Variants in FDXACB1 observed in about 807,000 individuals in gnomAD.
The protein encoded by FDXACB1 is ferredoxin-fold anticodon binding domain containing 1, also known as ferredoxin-fold anticodon-binding domain-containing protein 1.
In FDXACB1, 41 loss-of-function variants were observed where a neutral mutation model predicts 51.7. That is an observed-to-expected ratio of 0.79 (90% CI 0.62 to 1.03). FDXACB1 has a LOEUF of 1.03. Ranked by LOEUF, FDXACB1 falls within the 50% of genes least tolerant of loss-of-function variation. FDXACB1 has a pLI of 0.00. For missense variants in FDXACB1, 697 were observed against 746.4 expected, an observed-to-expected ratio of 0.93 and a Z score of 0.77; for synonymous variants, 273 against 278.6, an observed-to-expected ratio of 0.98 and a Z score of 0.20.
rs1407574541 is a variant in FDXACB1 at position 111,874,497 on chromosome 11, T to C, written c.*425A>G. 1 of 166,720 alleles carries C rather than the reference T, an allele frequency of 6.0e-6. No homozygotes were observed. Among genetic ancestry groups the C allele is most frequent in the Non-Finnish European group, 1.3e-5 (1 of 76,762 alleles). 10.3% of individuals were successfully genotyped at this position (166,720 alleles called of 1,614,324 possible). Reference sequence around the variant, plus strand: ...CGGGCGCGGTGGCTCACATCTATAATCCCAGCACTTTGGGAGGCCGACGCA... The same window carrying C: ...CGGGCGCGGTGGCTCACATCTATAACCCCAGCACTTTGGGAGGCCGACGCA... On this transcript the variant is annotated 3_prime_UTR_variant, in exon 5 of 5. Coordinates refer to ENST00000260257, the MANE Select transcript of FDXACB1 (RefSeq NM_138378.3).
rs2137350061 is a variant in FDXACB1 at position 111,878,963 on chromosome 11, C to G, written c.170G>C (p.Arg57Pro). The stretch of plus-strand genomic sequence containing the variant: ...TCGCAGAGGGGCGGGCTCGCTACCT[C>G]GCTCGCGCAGGCACTGCAGATTCTC... ...AWENLQCLRE[R>P]GIDVRFGVDC... The change falls in exon 1 of 5, where the codon CGA becomes CCA. Residue 57 changes from arginine (R) to proline (P), a missense_variant and splice_region_variant. Arg to Pro is a moderately radical substitution (Grantham distance 103). Coordinates refer to ENST00000260257, the MANE Select transcript of FDXACB1 (RefSeq NM_138378.3). 6.3e-7 allele frequency: 1 copy of G among 1,589,492 alleles called. No individual in the cohort carries two copies. The highest frequency in any genetic ancestry group is 8.5e-7 in the Non-Finnish European group (1 of 1,170,594).
In FDXACB1 at chr11:111,874,954, T is replaced by C. The variant is rs1245878693; in HGVS notation, c.1843A>G (p.Ile615Val). Reference protein sequence around the residue: ...ASMQSQFRKEIQQHLYVIPR With the variant: ...ASMQSQFRKEVQQHLYVIPR Reference sequence around the variant, plus strand: ...GGTATAACATATAGGTGTTGTTGAATCTCCTTCCTAAACTGGGACTGCATT... The same window carrying C: ...GGTATAACATATAGGTGTTGTTGAACCTCCTTCCTAAACTGGGACTGCATT... Residue 615 changes from isoleucine to valine, a missense_variant, in exon 5 of 5, where the codon ATT becomes GTT. Physicochemically the swap from Ile to Val is conservative, Grantham distance 29. Coordinates refer to ENST00000260257, the MANE Select transcript of FDXACB1 (RefSeq NM_138378.3). 29 of 1,613,838 alleles carry C rather than the reference T, an allele frequency of 1.8e-5. No homozygotes were observed. In the Admixed American group the frequency reaches 4.7e-4, roughly 26 times the overall value.
In FDXACB1 at chr11:111,878,989, C is replaced by T. The variant is rs1419863509; in HGVS notation, c.144G>A (p.Trp48Ter). ...GCTCGCGCAGGCACTGCAGATTCTCCCAGGCCAGTGGATCCCGAGCCAACT... is the reference window on the plus strand; with the variant it reads ...GCTCGCGCAGGCACTGCAGATTCTCTCAGGCCAGTGGATCCCGAGCCAACT... ...PAELARDPLAWENLQCLRERG... is the reference protein window; with the variant it reads ...PAELARDPLA The change falls in exon 1 of 5, where the codon TGG becomes TGA. Residue 48 changes from tryptophan (W) to a stop codon, truncating the protein, a stop_gained. Transcript: ENST00000260257. LOFTEE classifies it high-confidence loss of function. 2 of 1,609,694 alleles carry T rather than the reference C, an allele frequency of 1.2e-6. No homozygotes were observed. The highest frequency in any genetic ancestry group is 1.3e-5 in the African/African-American group (1 of 74,856).
rs781979749 is a variant in FDXACB1, at chr11:111,875,654, G to A, written c.1143C>T (p.His381=). 8 of 1,613,384 alleles carry A rather than the reference G, an allele frequency of 5.0e-6. No homozygotes were observed. In the Admixed American group the frequency reaches 1.2e-4, roughly 24 times the overall value. ...ILSGPVFQKC[H]ILPFTMPAFH... is the part of the protein sequence containing the mutation. The stretch of plus-strand genomic sequence containing the variant: ...ATGCTGGCATTGTGAAAGGCAAAAT[G>A]TGGCACTTCTGAAAGACAGGTCCAC... Residue 381 remains histidine, a synonymous_variant, in exon 5 of 5, where the codon CAC becomes CAT. Coordinates refer to ENST00000260257, the MANE Select transcript of FDXACB1 (RefSeq NM_138378.3).
chr11:111,875,056 T>G lies in FDXACB1; in HGVS notation c.1741A>C (p.Thr581Pro), dbSNP rs1964780143. 1 of 1,613,886 alleles carries G rather than the reference T, an allele frequency of 6.2e-7. No homozygotes were observed. Reference sequence around the variant, plus strand: ...CTATAGCAGAGACTGACCTGTTGAGTCTTTGGATGCTGGAAACGGCTAAGA... The same window carrying G: ...CTATAGCAGAGACTGACCTGTTGAGGCTTTGGATGCTGGAAACGGCTAAGA... The part of the protein sequence containing the change: ...QFLSRFQHPK[T>P]QQVSLCYRLT... The change falls in exon 5 of 5, where the codon ACT (threonine) becomes CCT (proline). Residue 581 changes from threonine (T) to proline (P), a missense_variant. Coordinates refer to ENST00000260257, the MANE Select transcript of FDXACB1 (RefSeq NM_138378.3).
At position 111,875,771 on chromosome 11, in the gene FDXACB1, C is replaced by G. The variant is rs563448840; in HGVS notation, c.1026G>C (p.Gln342His). Residue 342 changes from glutamine to histidine, a missense_variant, in exon 5 of 5, where the codon CAG becomes CAC. Gln to His is a conservative substitution (Grantham distance 24). Coordinates refer to ENST00000260257, the MANE Select transcript of FDXACB1 (RefSeq NM_138378.3). ...GAGAAGGTCTAAGGCAGATCTTGGC[C>G]TGGCCACAGGTTCCTTCACAAGCTT... The part of the protein sequence containing the change: ...KEEACEGTCG[Q>H]AKICLRPSLL... 1.2e-6 allele frequency: 2 copies of G among 1,613,704 alleles called. No homozygotes were observed. The highest frequency in any genetic ancestry group is 4.5e-5 in the East Asian group (2 of 44,886).
In FDXACB1 at chr11:111,875,890, G is replaced by A. The variant is rs546895043; in HGVS notation, c.907C>T (p.Leu303=). The change falls in exon 5 of 5, where the codon CTG becomes TTG. Residue 303 remains leucine, a synonymous_variant. Transcript: ENST00000260257. ...ACATCTTGTGATGTCCCACCAGTCAGGGACTCAGAATTTGAGTTATCTTCA... is the reference window on the plus strand; with the variant it reads ...ACATCTTGTGATGTCCCACCAGTCAAGGACTCAGAATTTGAGTTATCTTCA... The part of the protein sequence containing the change: ...LHEDNSNSES[L]TGGTSQDVED... 1.9e-6 allele frequency: 3 copies of A among 1,613,824 alleles called. No individual in the cohort carries two copies. In the South Asian group the frequency reaches 3.3e-5, roughly 18 times the overall value.
chr11:111,876,107 G>GT lies in FDXACB1; in HGVS notation c.693-4dup. The GT allele has an allele frequency of 6.3e-7, 1 of 1,576,026 alleles. No individual in the cohort carries two copies. Among genetic ancestry groups the GT allele is most frequent in the Non-Finnish European group, 8.6e-7 (1 of 1,163,022 alleles). On this transcript the variant is annotated splice_region_variant and splice_polypyrimidine_tract_variant and intron_variant, in intron 4 of 4. Transcript: ENST00000260257. ...ATGAAGGTGCTTCCAGGAAACCCCT[G>GT]TTTAAACACACACAAAAATAACTTT...
Position 111,879,154 on chromosome 11 carries a change from C to A in FDXACB1, c.-22G>T. On this transcript the variant is annotated 5_prime_UTR_variant, in exon 1 of 5. Transcript: ENST00000260257. ...CCATGGCCTCCACGGACTCCCGGCT[C>A]GCGTTCTCTGTGGCGCTCGTTTTAC... 2.5e-6 allele frequency: 4 copies of A among 1,595,806 alleles called. No homozygotes were observed. The highest frequency in any genetic ancestry group is 3.4e-6 in the Non-Finnish European group (4 of 1,170,828).
chr11:111,876,635 G>A lies in FDXACB1; in HGVS notation c.538C>T (p.Gln180Ter), dbSNP rs782420239. The A allele has an allele frequency of 4.3e-6, 7 of 1,611,030 alleles. No homozygotes were observed. The highest frequency in any genetic ancestry group is 5.9e-6 in the Non-Finnish European group (7 of 1,179,006). The stretch of plus-strand genomic sequence containing the variant: ...CCTTCTACATGAAAGGACTTATCTT[G>A]ACTCCTGGCAAAATAGACACCAATA... ...AGYKCTGYRSQDKSFHVEGAL... is the reference protein window; with the variant it reads ...AGYKCTGYRS The change falls in exon 4 of 5, where the codon CAA (glutamine) becomes TAA (stop). Residue 180 changes from glutamine (Q) to a stop codon, truncating the protein, a stop_gained. Coordinates refer to ENST00000260257, the MANE Select transcript of FDXACB1 (RefSeq NM_138378.3). LOFTEE classifies it high-confidence loss of function.
intron 4 of FDXACB1, 108 bp downstream of exon 4, chr11:111,876,373 C>A: frequency 7.6e-7 from 1 of 1,319,938 alleles, no homozygotes; most frequent in East Asian, 2.3e-5. Context: ...AAACATAGCA[C>A]CAACATCACT....
chr11:111,875,782 T>A lies in FDXACB1; in HGVS notation c.1015A>T (p.Thr339Ser), dbSNP rs782712776. ...RDGKEEACEG[T>S]CGQAKICLRP... The stretch of plus-strand genomic sequence containing the variant: ...AGGCAGATCTTGGCCTGGCCACAGG[T>A]TCCTTCACAAGCTTCTTCTTTACCA... Residue 339 changes from threonine (T) to serine (S), a missense_variant, in exon 5 of 5, where the codon ACC becomes TCC. This residue lies in a region of FDXACB1 where 538 missense variants were observed against 592.2 expected (regional missense o/e 0.91). Coordinates refer to ENST00000260257, the MANE Select transcript of FDXACB1 (RefSeq NM_138378.3). 3 of 1,613,490 alleles carry A rather than the reference T, an allele frequency of 1.9e-6. No individual in the cohort carries two copies. The highest frequency in any genetic ancestry group is 2.5e-6 in the Non-Finnish European group (3 of 1,179,866).
intron 2 of FDXACB1, 87 bp from the exon 3 acceptor site, chr11:111,877,098 G>T: frequency 7.6e-7 from 1 of 1,320,366 alleles, no homozygotes; most frequent in Non-Finnish European, 1.0e-6. Context: ...TGGTTTGCCT[G>T]TGAAATAATT....
chr11:111,875,699 T>G lies in FDXACB1; in HGVS notation c.1098A>C (p.Ser366=). The G allele has an allele frequency of 6.2e-7, 1 of 1,613,608 alleles. No individual in the cohort carries two copies. Among genetic ancestry groups the G allele is most frequent in the Admixed American group, 1.7e-5 (1 of 59,972 alleles). The change falls in exon 5 of 5, where the codon TCA becomes TCC. Residue 366 remains serine (S), a synonymous_variant. Transcript: ENST00000260257. ...QDVIEVPDFL[S]GSLHILSGPV... The stretch of plus-strand genomic sequence containing the variant: ...GTCCACTGAGGATGTGCAGAGAACC[T>G]GAGAGGAAGTCTGGTACTTCGATGA...
chr11:111,876,202 A>C, intron 4 of FDXACB1, 98 bp from the exon 5 acceptor site: 3 of 1,089,428 alleles, frequency 2.8e-6, no homozygotes, highest in Non-Finnish European at 3.9e-6. Context: ...ACAGAAAAGA[A>C]TTATCTTTAA....
In FDXACB1 at chr11:111,875,047, C is replaced by T. The variant is rs368968622; in HGVS notation, c.1750G>A (p.Val584Ile). 1 of 1,613,802 alleles carries T rather than the reference C, an allele frequency of 6.2e-7. No homozygotes were observed. The highest frequency in any genetic ancestry group is 8.5e-7 in the Non-Finnish European group (1 of 1,179,884). The change falls in exon 5 of 5, where the codon GTC (valine) becomes ATC (isoleucine). Residue 584 changes from valine to isoleucine, a missense_variant. Physicochemically the swap from Val to Ile is conservative, Grantham distance 29. Coordinates refer to ENST00000260257, the MANE Select transcript of FDXACB1 (RefSeq NM_138378.3). ...SRFQHPKTQQ[V>I]SLCYRLTYQT... ...TAGGTCAATCTATAGCAGAGACTGACCTGTTGAGTCTTTGGATGCTGGAAA... is the reference window on the plus strand; with the variant it reads ...TAGGTCAATCTATAGCAGAGACTGATCTGTTGAGTCTTTGGATGCTGGAAA...
Position 111,874,805 on chromosome 11 carries a change from C to A in FDXACB1, c.*117G>T, listed in dbSNP as rs2137342620. On this transcript the variant is annotated 3_prime_UTR_variant, in exon 5 of 5. Transcript: ENST00000260257. ...GATCAACGAACAGTAGCTATGGTCA[C>A]AAAGTAAAAGATTTTACAAAAACAA... 5.1e-6 allele frequency: 4 copies of A among 783,274 alleles called. No individual in the cohort carries two copies. Among genetic ancestry groups the A allele is most frequent in the Non-Finnish European group, 5.9e-6 (3 of 511,534 alleles). The allele number at this position is 783,274 out of a possible 1,614,324, so 48.5% of individuals were successfully genotyped here.
In FDXACB1 at chr11:111,879,123, G is replaced by C. The variant is rs199757538; in HGVS notation, c.10C>G (p.Arg4Gly). 33 of 1,612,058 alleles carry C rather than the reference G, an allele frequency of 2.0e-5. No individual in the cohort carries two copies. The highest frequency in any genetic ancestry group is 8.4e-5 in the Admixed American group (5 of 59,828). Residue 4 changes from arginine to glycine, a missense_variant, in exon 1 of 5, where the codon CGG becomes GGG. This residue lies in a region of FDXACB1 where 153 missense variants were observed against 133.5 expected (regional missense o/e 1.15). Coordinates refer to ENST00000260257, the MANE Select transcript of FDXACB1 (RefSeq NM_138378.3). Reference sequence around the variant, plus strand: ...CCCTCCCCAACCAACAGGAGGCGCCGAGGGGCCATGGCCTCCACGGACTCC... The same window carrying C: ...CCCTCCCCAACCAACAGGAGGCGCCCAGGGGCCATGGCCTCCACGGACTCC... The part of the protein sequence containing the change: MAP[R>G]RLLLVGEGNF...
Position 111,875,011 on chromosome 11 carries a change from C to G in FDXACB1, c.1786G>C (p.Asp596His), listed in dbSNP as rs200631446. ...ACTTGCTGCTGGGTGAGGGCCTTGTCACAGGTCTGGTAGGTCAATCTATAG... is the reference window on the plus strand; with the variant it reads ...ACTTGCTGCTGGGTGAGGGCCTTGTGACAGGTCTGGTAGGTCAATCTATAG... ...LCYRLTYQTC[D>H]KALTQQQVAS... Residue 596 changes from aspartate (D) to histidine (H), a missense_variant, in exon 5 of 5, where the codon GAC (aspartate) becomes CAC (histidine). Coordinates refer to ENST00000260257, the MANE Select transcript of FDXACB1 (RefSeq NM_138378.3). 3 of 1,613,918 alleles carry G rather than the reference C, an allele frequency of 1.9e-6. No individual in the cohort carries two copies. The highest frequency in any genetic ancestry group is 2.5e-6 in the Non-Finnish European group (3 of 1,179,868).
Sources: allele counts gnomAD v4.1 joint callset, GRCh38; gene constraint gnomAD v4.1.1; regional missense constraint gnomAD v4.1.1; transcripts MANE v1.5; gene names NCBI Gene and HGNC (gene_info 2026-07-23, HGNC 2026-07-21).